The following CALN1 variants were observed in gnomAD, a reference collection of about 807,000 sequenced individuals.
CALN1 encodes the protein calneuron 1.
A neutral mutation model predicts 30.6 loss-of-function variants in CALN1; 17 were observed. That is an observed-to-expected ratio of 0.56 (90% CI 0.38 to 0.83). The LOEUF (loss-of-function observed/expected upper bound fraction) is 0.83, where lower values mean the gene tolerates loss of function less well. CALN1 is among the 40% of genes least tolerant of loss of function. The pLI, the probability that CALN1 is intolerant of heterozygous loss-of-function variation, is 0.00. For synonymous variants in CALN1, 156 were observed against 131.4 expected (o/e 1.19, Z -1.28); for missense variants, 291 against 354.9 (o/e 0.82, Z 1.45).
At chr7:72,273,469 C>G (rs1314022342) in intron 3 of CALN1, among the ~76,000 whole-genome samples, 2 of 144,930 alleles carry the variant, frequency 1.4e-5, no homozygotes, top group Non-Finnish European at 3.0e-5. Flanking sequence ...AATATTATCT[C>G]AGGTTTGGGA....
intron 2 of CALN1, among the ~76,000 whole-genome samples, chr7:72,330,836 G>A (rs933880872): frequency 5.3e-5 from 8 of 152,168 alleles, no homozygotes; most frequent in African/African-American, 1.9e-4. Flanking sequence ...GCTGCCCACA[G>A]CCCTGCCAGT....
At chr7:72,126,185 G>A (rs1018059541) in intron 3 of CALN1, among the ~76,000 whole-genome samples, 5 of 152,058 alleles carry the variant, frequency 3.3e-5, no homozygotes, top group African/African-American at 1.2e-4. Context: ...TTCCATTCCT[G>A]AGTTGCTTCA....
chr7:72,143,452 C>T (rs1810105970), intron 3 of CALN1, among the ~76,000 whole-genome samples: 1 of 152,092 alleles, frequency 6.6e-6, no homozygotes, highest in Non-Finnish European at 1.5e-5. Context: ...ATGAACAAAG[C>T]CTCCAAAAAA....
At chr7:72,323,572 G>T (rs979685894) in intron 2 of CALN1, among the ~76,000 whole-genome samples, 7 of 151,516 alleles carry the variant, frequency 4.6e-5, no homozygotes, top group African/African-American at 1.7e-4. Context: ...CCAAGGCAGG[G>T]GAATAGCTTG....
chr7:72,236,541 A>G (rs1159242942), intron 3 of CALN1, among the ~76,000 whole-genome samples: 1 of 152,246 alleles, frequency 6.6e-6, no homozygotes, highest in Non-Finnish European at 1.5e-5. Flanking sequence ...GAGAACCTCA[A>G]GTCCTGCCAT....
At position 72,148,492 on chromosome 7, in the gene CALN1, G is replaced by GC. The variant is rs143148159; in HGVS notation, c.245-42199dup. The stretch of plus-strand genomic sequence containing the variant: ...GTGCCTGTAGTCCCAGCTACTACTT[G>GC]CAAGGTTGAGGCAGGAAGATTGCTT... On this transcript the variant is annotated intron_variant, in intron 3 of 6. Coordinates refer to ENST00000395275, the MANE Select transcript of CALN1 (RefSeq NM_031468.4). Among the ~76,000 whole-genome samples the GC allele has an allele frequency of 3.6e-3, 546 of 152,208 alleles. 2 individuals are homozygous for GC. The highest frequency in any genetic ancestry group is 0.013 in the African/African-American group (537 of 41,542).
intron 4 of CALN1, among the ~76,000 whole-genome samples, chr7:72,034,795 C>CAAAAAA (rs57756121): frequency 5.7e-5 from 3 of 52,640 alleles, no homozygotes; most frequent in Non-Finnish European, 1.1e-4. Context: ...GACTCTGTCT[C>CAAAAAA]AAAAAAAAAA....
intron 4 of CALN1, among the ~76,000 whole-genome samples, chr7:72,031,693 G>A (rs902892516): frequency 6.6e-6 from 1 of 150,562 alleles, no homozygotes; most frequent in Non-Finnish European, 1.5e-5. Context: ...TCAGCCTCAC[G>A]AGTAGCTAGG....
chr7:72,072,671 T>C (rs983067785), intron 4 of CALN1, among the ~76,000 whole-genome samples: 1 of 152,198 alleles, frequency 6.6e-6, no homozygotes, highest in Non-Finnish European at 1.5e-5. Flanking sequence ...TTCTACACAA[T>C]TTAAGAGGTT....
chr7:72,120,818 T>C (rs919654192), intron 3 of CALN1, among the ~76,000 whole-genome samples: 2 of 152,080 alleles, frequency 1.3e-5, no homozygotes, highest in East Asian at 1.9e-4. Flanking sequence ...GAAAAAGGCC[T>C]GCAGGGTGAT....
intron 2 of CALN1, among the ~76,000 whole-genome samples, chr7:72,317,044 G>C (rs1490110688): frequency 7.1e-6 from 1 of 141,492 alleles, no homozygotes; most frequent in Non-Finnish European, 1.5e-5. Context: ...AGGGAAGAGA[G>C]AGAGAGAAAG....
At chr7:71,910,210 T>C (rs1030728758) in intron 5 of CALN1, among the ~76,000 whole-genome samples, 3 of 152,184 alleles carry the variant, frequency 2.0e-5, no homozygotes, top group Admixed American at 6.5e-5. Context: ...GATTCTATCA[T>C]CTTATGATGC....
At chr7:72,405,172 G>T (rs532165264) in intron 1 of CALN1, among the ~76,000 whole-genome samples, 1 of 152,166 alleles carries the variant, frequency 6.6e-6, no homozygotes, top group Non-Finnish European at 1.5e-5. Flanking sequence ...CCCAAGGGTT[G>T]GGATCTCAAA....
At chr7:72,403,109 G>C (rs1367193388) in intron 2 of CALN1, 142 bp downstream of exon 2, 2 of 602,614 alleles carry the variant, frequency 3.3e-6, no homozygotes, top group Non-Finnish European at 2.9e-6. Flanking sequence ...AGCCAGGACA[G>C]CTCTCCCAGG....
At chr7:71,893,525 T>C (rs1229249564) in intron 5 of CALN1, among the ~76,000 whole-genome samples, 1 of 152,044 alleles carries the variant, frequency 6.6e-6, no homozygotes, top group Non-Finnish European at 1.5e-5. Context: ...ACCCTGTCTC[T>C]ACTAAAAATA....
At chr7:71,926,071 G>A (rs888284418) in intron 5 of CALN1, among the ~76,000 whole-genome samples, 5 of 152,162 alleles carry the variant, frequency 3.3e-5, no homozygotes, top group African/African-American at 1.2e-4. Context: ...TGGTCCCTCT[G>A]TGGCCTTGAA....
chr7:71,918,621 G>A (rs1794793986), intron 5 of CALN1, among the ~76,000 whole-genome samples: 1 of 152,154 alleles, frequency 6.6e-6, no homozygotes, highest in Non-Finnish European at 1.5e-5. Context: ...AATTCTTGAA[G>A]ACAGTGTGGG....
chr7:72,341,703 G>A (rs1339850365), intron 2 of CALN1, among the ~76,000 whole-genome samples: 3 of 152,148 alleles, frequency 2.0e-5, no homozygotes, highest in Non-Finnish European at 4.4e-5. Flanking sequence ...TACTCTCTCT[G>A]AATCTCATTG....
At position 72,138,955 on chromosome 7, in the gene CALN1, C is replaced by T. The variant is rs76024792; in HGVS notation, c.245-32661G>A. Among the ~76,000 whole-genome samples the T allele has an allele frequency of 7.7e-3, 1,170 of 152,312 alleles. 8 individuals are homozygous for T. The highest frequency in any genetic ancestry group is 0.024 in the African/African-American group (1,014 of 41,550). ...GGTCATTCTGCTCCTTCTACCCGAA[C>T]GCATTCGAAAGCTTGCAATGCCATC... On this transcript the variant is annotated intron_variant, in intron 3 of 6. Transcript: ENST00000395275.
Sources: gnomAD v4.1 joint callset for allele counts (sites outside exome capture counted in the v4.1 genomes callset) on GRCh38, gnomAD v4.1.1 for gene constraint, MANE v1.5 for transcripts, NCBI Gene and HGNC (gene_info 2026-07-23, HGNC 2026-07-21) for gene names.